The following CCDC28B variants were observed in gnomAD, a reference collection of about 807,000 sequenced individuals.
CCDC28B encodes coiled-coil domain containing 28B.
CCDC28B carries 17 observed loss-of-function variants against 18.7 expected under a neutral mutation model. That is an observed-to-expected ratio of 0.91 (90% CI 0.62 to 1.36). The LOEUF (loss-of-function observed/expected upper bound fraction) is 1.36. Ranked by LOEUF, CCDC28B falls within the 40% of genes most tolerant of loss-of-function variation. CCDC28B has a pLI of 0.00. For synonymous variants in CCDC28B, 116 were observed against 105.1 expected (o/e 1.10, Z -0.64); for missense variants, 213 against 251.7 (o/e 0.85, Z 1.04).
At position 32,204,060 on chromosome 1, in the gene CCDC28B, CT is replaced by C. The variant is rs1557517692; in HGVS notation, c.331+16del. On this transcript the variant is annotated intron_variant, in intron 3 of 5. Transcript: ENST00000373602. The stretch of plus-strand genomic sequence containing the variant: ...GCAGGCCTTCGGTGAGTCCTGGGGG[CT>C]GGTTTCAGCGGGTGTGTGGATAGGG... 1 of 1,564,602 alleles carries C rather than the reference CT, an allele frequency of 6.4e-7. No individual in the cohort carries two copies. The highest frequency in any genetic ancestry group is 8.7e-7 in the Non-Finnish European group (1 of 1,154,446).
upstream of CCDC28B, among the ~76,000 whole-genome samples, chr1:32,198,968 G>A (rs1643086940): frequency 6.6e-6 from 1 of 152,170 alleles, no homozygotes; most frequent in South Asian, 2.1e-4. Context: ...TCTGAGCTGT[G>A]GGTAGGCTCC....
At chr1:32,200,269 C>G (rs186629770), upstream of CCDC28B, 2 of 153,054 alleles carry the variant, frequency 1.3e-5, no homozygotes, top group Non-Finnish European at 2.9e-5. Flanking sequence ...TGTCTTTGCT[C>G]GAAGTGTCTT....
intron 1 of CCDC28B, 106 bp from the exon 2 acceptor site, chr1:32,201,807 C>G (rs1400270848): frequency 1.1e-6 from 1 of 923,946 alleles, no homozygotes; most frequent in East Asian, 2.5e-5. Flanking sequence ...GATGAGGTGA[C>G]AAGCTGGAAG....
upstream of CCDC28B, among the ~76,000 whole-genome samples, chr1:32,198,632 C>T (rs1220398437): frequency 6.6e-6 from 1 of 152,228 alleles, no homozygotes; most frequent in Non-Finnish European, 1.5e-5. Context: ...AGAGAGGAGG[C>T]CCCTGCCCCC....
At chr1:32,199,050 C>G (rs1343526543), upstream of CCDC28B, among the ~76,000 whole-genome samples, 1 of 152,194 alleles carries the variant, frequency 6.6e-6, no homozygotes, top group Non-Finnish European at 1.5e-5. Context: ...AGAGCACATT[C>G]TCTGTTCAGT....
chr1:32,201,299 C>T (rs943304468), intron 1 of CCDC28B, among the ~76,000 whole-genome samples: 2 of 152,104 alleles, frequency 1.3e-5, no homozygotes, highest in African/African-American at 2.4e-5. Context: ...ACCCGCGGGA[C>T]CTATAGGGAG....
chr1:32,199,678 C>T (rs1183069329), upstream of CCDC28B, among the ~76,000 whole-genome samples: 1 of 152,166 alleles, frequency 6.6e-6, no homozygotes, highest in Non-Finnish European at 1.5e-5. Flanking sequence ...CCCATGGCTC[C>T]CCACATCAGC....
rs776367978 is a variant in CCDC28B at position 32,203,936 on chromosome 1, C to T, written c.222C>T (p.Gly74=). The change falls in exon 3 of 6, where the codon GGC becomes GGT. Residue 74 remains glycine, a synonymous_variant. Transcript: ENST00000373602. ...VLAGGGSGSA[G]TPLQHSFLTE... is the part of the protein sequence containing the mutation. ...CTGGAGGTGGAAGCGGCTCTGCAGGCACGCCCCTGCAGCACTCCTTCCTGA... is the reference window on the plus strand; with the variant it reads ...CTGGAGGTGGAAGCGGCTCTGCAGGTACGCCCCTGCAGCACTCCTTCCTGA... 1 of 1,563,148 alleles carries T rather than the reference C, an allele frequency of 6.4e-7. No homozygotes were observed. The highest frequency in any genetic ancestry group is 1.2e-5 in the South Asian group (1 of 83,202).
chr1:32,204,245 C>G lies in CCDC28B; in HGVS notation c.391C>G (p.Arg131Gly). 6.2e-7 allele frequency: 1 copy of G among 1,614,000 alleles called. No individual in the cohort carries two copies. The highest frequency in any genetic ancestry group is 1.1e-5 in the South Asian group (1 of 91,066). ...HVREMQEKLA[R>G]LHFSLDVCGE... ...TCGGGAGATGCAGGAGAAGCTAGCC[C>G]GGCTGCACTTCAGCCTGGATGTGTG... The change falls in exon 4 of 6, where the codon CGG becomes GGG. Residue 131 changes from arginine (R) to glycine (G), a missense_variant. Arg to Gly is a moderately radical substitution (Grantham distance 125). Transcript: ENST00000373602.
chr1:32,204,097 C>T, intron 3 of CCDC28B, 52 bp downstream of exon 3: 1 of 1,592,700 alleles, frequency 6.3e-7, no homozygotes, highest in Non-Finnish European at 8.6e-7. Context: ...CTGTAGGGCC[C>T]AGTCCATGGG....
In CCDC28B at chr1:32,201,903, TC is replaced by T. The variant is rs1356769445; in HGVS notation, c.-23-7del. 6.5e-6 allele frequency: 10 copies of T among 1,547,248 alleles called. No homozygotes were observed. Among genetic ancestry groups the T allele is most frequent in the Non-Finnish European group, 8.7e-6 (10 of 1,148,816 alleles). On this transcript the variant is annotated splice_polypyrimidine_tract_variant and intron_variant, in intron 1 of 5. Coordinates refer to ENST00000373602, the MANE Select transcript of CCDC28B (RefSeq NM_024296.5). The stretch of plus-strand genomic sequence containing the variant: ...CCCTGGCTATCTTTGTGGGGTTGCT[TC>T]CCTCCTAGGCCTGAGGCCCAGCCAG...
At position 32,204,233 on chromosome 1, in the gene CCDC28B, G is replaced by C; in HGVS notation, c.379G>C (p.Glu127Gln). Reference sequence around the variant, plus strand: ...GCTGGAGCACGTTCGGGAGATGCAGGAGAAGCTAGCCCGGCTGCACTTCAG... The same window carrying C: ...GCTGGAGCACGTTCGGGAGATGCAGCAGAAGCTAGCCCGGCTGCACTTCAG... ...EQLEHVREMQ[E>Q]KLARLHFSLD... Residue 127 changes from glutamate (E) to glutamine (Q), a missense_variant, in exon 4 of 6, where the codon GAG (glutamate) becomes CAG (glutamine). Coordinates refer to ENST00000373602, the MANE Select transcript of CCDC28B (RefSeq NM_024296.5). The C allele has an allele frequency of 6.2e-7, 1 of 1,614,114 alleles. No homozygotes were observed. The highest frequency in any genetic ancestry group is 8.5e-7 in the Non-Finnish European group (1 of 1,180,014).
chr1:32,203,659 A>T (rs1643211822), intron 2 of CCDC28B, among the ~76,000 whole-genome samples: 1 of 152,192 alleles, frequency 6.6e-6, no homozygotes, highest in African/African-American at 2.4e-5. Flanking sequence ...TGGCTGTGTT[A>T]TTAGCAGAAA....
Position 32,204,226 on chromosome 1 carries a change from G to A in CCDC28B, c.372G>A (p.Glu124=), listed in dbSNP as rs916960675. 3 of 1,614,032 alleles carry A rather than the reference G, an allele frequency of 1.9e-6. No individual in the cohort carries two copies. The highest frequency in any genetic ancestry group is 2.7e-5 in the African/African-American group (2 of 74,904). ...TTGAGCAGCTGGAGCACGTTCGGGA[G>A]ATGCAGGAGAAGCTAGCCCGGCTGC... The part of the protein sequence containing the change: ...CSFEQLEHVR[E]MQEKLARLHF... The change falls in exon 4 of 6, where the codon GAG becomes GAA. Residue 124 remains glutamate (E), a synonymous_variant. Coordinates refer to ENST00000373602, the MANE Select transcript of CCDC28B (RefSeq NM_024296.5).
Position 32,204,615 on chromosome 1 carries a change from T to G in CCDC28B, c.543T>G (p.Asn181Lys), listed in dbSNP as rs771094708. Residue 181 changes from asparagine (N) to lysine (K), a missense_variant, in exon 5 of 6, where the codon AAT (asparagine) becomes AAG (lysine). Asn to Lys is a moderately conservative substitution (Grantham distance 94). Coordinates refer to ENST00000373602, the MANE Select transcript of CCDC28B (RefSeq NM_024296.5). ...QLLSNLEDLS[N>K]SIQKLHLAEN... is the part of the protein sequence containing the mutation. ...GTTGGCAGCTGGAAGACCTCAGTAA[T>G]TCTATGTATCCTTTCCAAGGAACCC... 3 of 1,584,822 alleles carry G rather than the reference T, an allele frequency of 1.9e-6. No individual in the cohort carries two copies. The African/African-American group carries it at 4.1e-5, about 22-fold the overall frequency.
intron 5 of CCDC28B, chr1:32,204,831 T>G: frequency 6.4e-7 from 1 of 1,559,032 alleles, no homozygotes; most frequent in Non-Finnish European, 8.7e-7. Flanking sequence ...GTTTTACTAC[T>G]GATCAAAATC....
chr1:32,202,310 G>A (rs920806191), intron 2 of CCDC28B: 24 of 705,712 alleles, frequency 3.4e-5, no homozygotes, highest in Admixed American at 6.0e-5. Flanking sequence ...ATCACATAGC[G>A]TGAGGATTCG....
chr1:32,202,472 G>A (rs1643167939), intron 2 of CCDC28B: 3 of 382,366 alleles, frequency 7.8e-6, no homozygotes, highest in Non-Finnish European at 1.5e-5. Flanking sequence ...AACAGGAAAT[G>A]GTGAGGAAAT....
upstream of CCDC28B, among the ~76,000 whole-genome samples, chr1:32,199,667 G>T (rs1643105933): frequency 6.6e-6 from 1 of 152,200 alleles, no homozygotes; most frequent in East Asian, 1.9e-4. Flanking sequence ...CAGGAGCAGT[G>T]CCCATGGCTC....
Sources: gnomAD v4.1 joint callset for allele counts (sites outside exome capture counted in the v4.1 genomes callset) on GRCh38, gnomAD v4.1.1 for gene constraint, MANE v1.5 for transcripts, NCBI Gene and HGNC (gene_info 2026-07-23, HGNC 2026-07-21) for gene names.